The following ABI2 variants were observed in gnomAD, a reference collection of about 807,000 sequenced individuals.
ABI2 encodes abl interactor 2.
Under a neutral mutation model 59.2 loss-of-function variants are expected in ABI2, and 25 were observed. The observed-to-expected ratio is 0.42, with a 90% CI of 0.31 to 0.59. The LOEUF is 0.59. ABI2 is among the 20% of genes least tolerant of loss of function. The pLI is 0.14. For missense variants in ABI2, 545 were observed against 681.8 expected (o/e 0.80, Z 2.23); for synonymous variants, 213 against 235.5 (o/e 0.90, Z 0.87).
chr2:203,350,251 A>G (rs2086898382), intron 1 of ABI2, among the ~76,000 whole-genome samples: 1 of 152,006 alleles, frequency 6.6e-6, no homozygotes, highest in African/African-American at 2.4e-5. Context: ...TAATTCTCGT[A>G]TTTTTAGTAG....
chr2:203,370,707 A>C (rs999891511), intron 2 of ABI2, among the ~76,000 whole-genome samples: 4 of 152,164 alleles, frequency 2.6e-5, no homozygotes, highest in African/African-American at 9.7e-5. Flanking sequence ...TTTTTGTGCA[A>C]CTTGGGCAAA....
intron 4 of ABI2, among the ~76,000 whole-genome samples, chr2:203,389,713 T>C (rs1262890024): frequency 1.3e-5 from 2 of 152,212 alleles, no homozygotes; most frequent in Non-Finnish European, 2.9e-5. Context: ...ATTAGGGTCT[T>C]AAAATAGAAT....
intron 2 of ABI2, among the ~76,000 whole-genome samples, chr2:203,373,462 G>A (rs2095450510): frequency 6.6e-6 from 1 of 152,048 alleles, no homozygotes; most frequent in African/African-American, 2.4e-5. Flanking sequence ...GGAAAGAGAG[G>A]GAGAGGGAGA....
In ABI2 at chr2:203,432,113, T is replaced by C. The variant is rs551257694; in HGVS notation, c.*4761T>C. 1 of 152,314 alleles carries C rather than the reference T, an allele frequency of 6.6e-6. No homozygotes were observed. The highest frequency in any genetic ancestry group is 2.1e-4 in the South Asian group (1 of 4,820). 9.4% of individuals were successfully genotyped at this position (152,314 alleles called of 1,614,324 possible). On this transcript the variant is annotated 3_prime_UTR_variant, in exon 12 of 12. Coordinates refer to ENST00000261018, the MANE Select transcript of ABI2 (RefSeq NM_001375670.1). ...ATCACTTTTTAATTTTTTAATTGTA[T>C]TTGGAATTGTTGCCGTGTACTAAGA...
intron 1 of ABI2, among the ~76,000 whole-genome samples, chr2:203,336,363 G>A (rs1219274907): frequency 6.6e-6 from 1 of 152,196 alleles, no homozygotes; most frequent in African/African-American, 2.4e-5. Flanking sequence ...TATCCACATA[G>A]GCTGCATAGG....
In ABI2 at chr2:203,328,651, G is replaced by A; in HGVS notation, c.117+20G>A. On this transcript the variant is annotated intron_variant, in intron 1 of 11. Coordinates refer to ENST00000261018, the MANE Select transcript of ABI2 (RefSeq NM_001375670.1). ...ATACAGGTGCGAAGCATCCCCAGCT[G>A]GGCCGCGTCGGGGACCCCCCCGCCG... The A allele has an allele frequency of 6.7e-7, 1 of 1,503,232 alleles. No individual in the cohort carries two copies. The allele number at this position is 1,503,232 out of a possible 1,614,324, so 93.1% of individuals were successfully genotyped here. A position where few individuals can be genotyped will look rare whatever the true frequency, so the allele number is the denominator to read the frequency against.
chr2:203,365,425 C>T (rs1439846944), intron 1 of ABI2, among the ~76,000 whole-genome samples: 2 of 152,090 alleles, frequency 1.3e-5, no homozygotes, highest in Non-Finnish European at 2.9e-5. Flanking sequence ...CATGAATATT[C>T]TTGTCTGTAC....
intron 11 of ABI2, among the ~76,000 whole-genome samples, chr2:203,425,026 A>AT (rs771713104): frequency 0.025 from 3,409 of 134,486 alleles, 43 homozygotes; most frequent in East Asian, 0.044. Flanking sequence ...TGCCAGGCTA[A>AT]TTTTTTTTTT....
At chr2:203,401,945 T>TG (rs2097240166) in intron 8 of ABI2, among the ~76,000 whole-genome samples, 1 of 152,212 alleles carries the variant, frequency 6.6e-6, no homozygotes, top group South Asian at 2.1e-4. Flanking sequence ...GGCTGTATTT[T>TG]GGGGGTGGAG....
At chr2:203,400,051 A>T (rs1305676334) in intron 8 of ABI2, among the ~76,000 whole-genome samples, 1 of 145,754 alleles carries the variant, frequency 6.9e-6, no homozygotes, top group Non-Finnish European at 1.5e-5. Flanking sequence ...CAAATGGTAA[A>T]TCGACTCATT....
intron 1 of ABI2, among the ~76,000 whole-genome samples, chr2:203,333,930 T>C (rs1193273903): frequency 1.3e-5 from 2 of 151,828 alleles, no homozygotes; most frequent in African/African-American, 2.4e-5. Flanking sequence ...ATTTTTTCTT[T>C]TCTTTTTTCT....
At chr2:203,370,675 C>T (rs1340623589) in intron 2 of ABI2, among the ~76,000 whole-genome samples, 1 of 151,872 alleles carries the variant, frequency 6.6e-6, no homozygotes, top group Non-Finnish European at 1.5e-5. Context: ...CTAGAGGGAA[C>T]CAGGGGGTTC....
chr2:203,375,112 T>C (rs1055433454), intron 2 of ABI2, among the ~76,000 whole-genome samples: 2 of 152,122 alleles, frequency 1.3e-5, no homozygotes, highest in African/African-American at 2.4e-5. Context: ...TGAAGTGTCA[T>C]GGGGAAAGCC....
chr2:203,373,116 G>A (rs1294796574), intron 2 of ABI2, among the ~76,000 whole-genome samples: 1 of 152,156 alleles, frequency 6.6e-6, no homozygotes, highest in East Asian at 1.9e-4. Flanking sequence ...GCAGGCGGCT[G>A]GGAGGTGGAG....
chr2:203,331,910 A>G (rs2073895607), intron 1 of ABI2, among the ~76,000 whole-genome samples: 1 of 150,824 alleles, frequency 6.6e-6, no homozygotes. Context: ...CCCGGGTTCA[A>G]GTGATTGTCC....
intron 9 of ABI2, among the ~76,000 whole-genome samples, chr2:203,410,794 T>C (rs1023214920): frequency 1.3e-5 from 2 of 152,086 alleles, no homozygotes; most frequent in African/African-American, 4.8e-5. Context: ...AAAGTATCCA[T>C]TTAGAGTGTT....
intron 8 of ABI2, among the ~76,000 whole-genome samples, chr2:203,402,186 C>G (rs951341861): frequency 3.9e-5 from 6 of 152,134 alleles, no homozygotes; most frequent in African/African-American, 1.4e-4. Flanking sequence ...AGGCGCACGC[C>G]ACCATACCTG....
intron 1 of ABI2, among the ~76,000 whole-genome samples, chr2:203,338,983 A>ATAAATATATATATATATATAAATATAT (rs2078175801): frequency 8.1e-5 from 1 of 12,356 alleles, no homozygotes; most frequent in African/African-American, 2.6e-4. Flanking sequence ...TATATATATA[A>ATAAATATATATATATATATAAATATAT]ATATATATAT....
chr2:203,373,509 G>A (rs888012991), intron 2 of ABI2, among the ~76,000 whole-genome samples: 79 of 140,698 alleles, frequency 5.6e-4, no homozygotes, highest in Non-Finnish European at 2.2e-4. Flanking sequence ...GAGAGGGAGC[G>A]GGAGAGGGAG....
Sources: allele counts gnomAD v4.1 joint callset (sites outside exome capture counted in the v4.1 genomes callset), GRCh38; gene constraint gnomAD v4.1.1; transcripts MANE v1.5; gene names NCBI Gene and HGNC (gene_info 2026-07-23, HGNC 2026-07-21).